Variants in HMGB1 observed in about 807,000 individuals in gnomAD.
HMGB1 encodes the protein high mobility group box 1, also known as high mobility group protein B1.
For missense variants in HMGB1, 79 were observed against 253.5 expected (o/e 0.31, Z 4.67); for synonymous variants, 81 against 84.0 (o/e 0.96, Z 0.19).
intron 1 of HMGB1, among the ~76,000 whole-genome samples, chr13:30,594,741 A>G (rs1014765157): frequency 6.6e-6 from 1 of 152,238 alleles, no homozygotes; most frequent in Admixed American, 6.5e-5. Flanking sequence ...GTGGGTATAT[A>G]CCCAGTAATG....
intron 1 of HMGB1, among the ~76,000 whole-genome samples, chr13:30,560,354 G>A (rs145757727): frequency 1.3e-5 from 2 of 152,324 alleles, no homozygotes; most frequent in Non-Finnish European, 2.9e-5. Context: ...TGGCAAATAT[G>A]AAGCTTATCG....
intron 1 of HMGB1, among the ~76,000 whole-genome samples, chr13:30,489,854 CCT>C (rs1335900110): frequency 6.6e-6 from 1 of 151,630 alleles, no homozygotes; most frequent in Non-Finnish European, 1.5e-5. Context: ...CCTGCCTCAG[CCT>C]CCTGAGTAGC....
Position 30,462,729 on chromosome 13 carries a change from T to G in HMGB1, c.297-17A>C, listed in dbSNP as rs757365859. ...AAGGCCGAACTAAAAAAAAAATTAA[T>G]TTTAGGATTTTAAGTTAACAGATCA... On this transcript the variant is annotated splice_polypyrimidine_tract_variant and intron_variant, in intron 3 of 4. Transcript: ENST00000341423. 19 of 1,601,962 alleles carry G rather than the reference T, an allele frequency of 1.2e-5. No homozygotes were observed. Among genetic ancestry groups the G allele is most frequent in the Non-Finnish European group, 1.6e-5 (19 of 1,171,454 alleles).
At chr13:30,563,472 G>A (rs980926708) in intron 1 of HMGB1, among the ~76,000 whole-genome samples, 1 of 152,096 alleles carries the variant, frequency 6.6e-6, no homozygotes, top group African/African-American at 2.4e-5. Flanking sequence ...AGCTGGGTGT[G>A]GTGGCAGACA....
chr13:30,608,172 A>G (rs35004942), intron 1 of HMGB1, among the ~76,000 whole-genome samples: 6,096 of 152,236 alleles, frequency 0.04, 144 homozygotes, highest in Middle Eastern at 0.085. Flanking sequence ...CTGCAACCAC[A>G]TAAGAGGCTC....
Position 30,502,312 on chromosome 13 carries a change from C to A in HMGB1, c.-14-38618G>T, listed in dbSNP as rs142249605. 3.8e-3 allele frequency among the ~76,000 whole-genome samples: 571 copies of A among 152,158 alleles called. 5 individuals carry two copies. Among genetic ancestry groups the A allele is most frequent in the African/African-American group, 0.013 (554 of 41,508 alleles). ...GGATTACAGCAGTGAATAAAACAGA[C>A]CAAAAATATACAAGTTAACACATAT... On this transcript the variant is annotated intron_variant, in intron 1 of 4. Coordinates refer to the HMGB1 transcript ENST00000405805.
intron 1 of HMGB1, among the ~76,000 whole-genome samples, chr13:30,473,992 G>C (rs1887008435): frequency 6.6e-6 from 1 of 152,176 alleles, no homozygotes; most frequent in Non-Finnish European, 1.5e-5. Context: ...AAAATATCCA[G>C]AACAGGAAAT....
chr13:30,524,303 G>A lies in HMGB1; in HGVS notation c.-14-60609C>T, dbSNP rs367897323. On this transcript the variant is annotated intron_variant, in intron 1 of 4. Transcript: ENST00000405805. ...GTATACCTATTAATAAAACCTGCAC[G>A]TTCTGCACATGTATCCCAGAGCTTA... Among the ~76,000 whole-genome samples the A allele has an allele frequency of 2.3e-4, 34 of 145,134 alleles. No individual in the cohort carries two copies. In the East Asian group the frequency reaches 5.9e-3, roughly 25 times the overall value.
intron 1 of HMGB1, among the ~76,000 whole-genome samples, chr13:30,473,903 A>G (rs1887006378): frequency 6.6e-6 from 1 of 152,250 alleles, no homozygotes; most frequent in Admixed American, 6.5e-5. Flanking sequence ...ATCCATACAC[A>G]TACATATATA....
At chr13:30,538,074 T>A (rs940301871) in intron 1 of HMGB1, among the ~76,000 whole-genome samples, 1 of 152,156 alleles carries the variant, frequency 6.6e-6, no homozygotes, top group Non-Finnish European at 1.5e-5. Flanking sequence ...ATGTGGAAGA[T>A]CATAGTTCCA....
intron 1 of HMGB1, among the ~76,000 whole-genome samples, chr13:30,611,288 G>C (rs1211684796): frequency 2.0e-5 from 3 of 152,144 alleles, no homozygotes; most frequent in African/African-American, 7.2e-5. Flanking sequence ...TCAGCCTCCT[G>C]AGTAGCTGGG....
chr13:30,573,373 T>C (rs1391833710), intron 1 of HMGB1, among the ~76,000 whole-genome samples: 1 of 152,242 alleles, frequency 6.6e-6, no homozygotes, highest in East Asian at 1.9e-4. Context: ...AAATTCTTTA[T>C]GATTTTCTGA....
At chr13:30,507,184 C>T (rs1410631363) in intron 1 of HMGB1, among the ~76,000 whole-genome samples, 1 of 152,216 alleles carries the variant, frequency 6.6e-6, no homozygotes, top group Non-Finnish European at 1.5e-5. Flanking sequence ...TAACCCTCCA[C>T]TAAGCTCTCT....
intron 1 of HMGB1, among the ~76,000 whole-genome samples, chr13:30,567,712 G>A (rs1172013162): frequency 1.3e-5 from 2 of 152,170 alleles, no homozygotes; most frequent in Non-Finnish European, 2.9e-5. Flanking sequence ...AAAAGAGGGT[G>A]CTGGTGGTGA....
In HMGB1 at chr13:30,459,466, T is replaced by C. The variant is rs983751381; in HGVS notation, c.*1891A>G. On this transcript the variant is annotated 3_prime_UTR_variant, in exon 5 of 5. Transcript: ENST00000341423. ...TGTTGGTGATTAATGGTGATTTCTA[T>C]ACAGTAGAAACTTCCATCTAAATCA... 4.6e-5 allele frequency: 7 copies of C among 152,208 alleles called. No individual in the cohort carries two copies. Among genetic ancestry groups the C allele is most frequent in the Non-Finnish European group, 8.8e-5 (6 of 68,026 alleles). The allele number at this position is 152,208 out of a possible 1,614,324, so 9.4% of individuals were successfully genotyped here.
chr13:30,559,606 GTTT>G lies in HMGB1; in HGVS notation c.-15+57062_-15+57064del, dbSNP rs1342752473. Among the ~76,000 whole-genome samples the G allele has an allele frequency of 6.6e-6, 1 of 152,184 alleles. No homozygotes were observed. The highest frequency in any genetic ancestry group is 1.5e-5 in the Non-Finnish European group (1 of 68,036). On this transcript the variant is annotated intron_variant, in intron 1 of 4. Coordinates refer to the HMGB1 transcript ENST00000405805. This position sits in a 1 kb window ranked among gnomAD's most constrained non-coding sequence, Gnocchi z 6.6. The stretch of plus-strand genomic sequence containing the variant: ...TTTAGATAGCCACATAGGGAAATCA[GTTT>G]TTAAGAAAGCGGATGGAATTCAGCT...
At chr13:30,474,715 A>T (rs1887025561) in intron 1 of HMGB1, among the ~76,000 whole-genome samples, 1 of 148,782 alleles carries the variant, frequency 6.7e-6, no homozygotes, top group Non-Finnish European at 1.5e-5. Context: ...TGATTGAACC[A>T]CTGCACTCCA....
chr13:30,580,967 G>A (rs570534907), intron 1 of HMGB1, among the ~76,000 whole-genome samples: 26 of 152,034 alleles, frequency 1.7e-4, no homozygotes, highest in Non-Finnish European at 3.4e-4. Context: ...CTGGGACAGG[G>A]TCTCACTCTG....
chr13:30,487,239 C>T (rs1231497987), intron 1 of HMGB1, among the ~76,000 whole-genome samples: 1 of 152,218 alleles, frequency 6.6e-6, no homozygotes, highest in Non-Finnish European at 1.5e-5. Flanking sequence ...ACCACCTATA[C>T]TCTTCAGAGG....
Sources: allele counts gnomAD v4.1 joint callset (sites outside exome capture counted in the v4.1 genomes callset), GRCh38; gene constraint gnomAD v4.1.1; non-coding constraint Gnocchi (gnomAD v3.1); transcripts MANE v1.5; gene names NCBI Gene and HGNC (gene_info 2026-07-23, HGNC 2026-07-21).